NPEPL1: variants seen among roughly 807,000 people sequenced by gnomAD.
The protein encoded by NPEPL1 is probable aminopeptidase NPEPL1.
In NPEPL1, 45 loss-of-function variants were observed where a neutral mutation model predicts 52.4. The ratio of observed to expected loss-of-function variants is 0.86; its 90% CI spans 0.68 to 1.10. The LOEUF is 1.10. NPEPL1 is among the 50% of genes least tolerant of loss of function. The pLI is 0.00. For synonymous variants in NPEPL1, 360 were observed against 314.7 expected, an observed-to-expected ratio of 1.14 and a Z score of -1.52; for missense variants, 696 against 710.9, an observed-to-expected ratio of 0.98 and a Z score of 0.24.
chr20:58,707,504 C>T (rs1341614280), intron 7 of NPEPL1, among the ~76,000 whole-genome samples: 3 of 152,248 alleles, frequency 2.0e-5, no homozygotes, highest in African/African-American at 7.2e-5. Flanking sequence ...ACCCTCATGG[C>T]ATGTGGCAGG....
chr20:58,692,038 C>CT, upstream of NPEPL1: 5 of 590,464 alleles, frequency 8.5e-6, no homozygotes, highest in South Asian at 2.1e-5. The surrounding 1 kb of genome is among the most constrained non-coding windows in gnomAD (Gnocchi z 5.7). Context: ...TGACTCAGGT[C>CT]ACCCTGCTCC....
rs149906896 is a variant in NPEPL1 at position 58,714,491 on chromosome 20, C to T, written c.1303-69C>T. 1.9e-3 allele frequency: 2,171 copies of T among 1,136,622 alleles called. 47 individuals carry two copies. The Admixed American group carries it at 0.038, about 20-fold the overall frequency. The allele number at this position is 1,136,622 out of a possible 1,614,324, so 70.4% of individuals were successfully genotyped here. ...CCTTGCAGACAGCAATAGTGACAGGCGATGGGGCAGGGTGGAGAGGGCCCG... is the reference window on the plus strand; with the variant it reads ...CCTTGCAGACAGCAATAGTGACAGGTGATGGGGCAGGGTGGAGAGGGCCCG... On this transcript the variant is annotated intron_variant, in intron 10 of 11. Transcript: ENST00000356091.
chr20:58,694,066 A>G, intron 2 of NPEPL1, 144 bp downstream of exon 2: 1 of 859,628 alleles, frequency 1.2e-6, no homozygotes. Context: ...TAGACAGGGA[A>G]ACAGGTCCAG....
In NPEPL1 at chr20:58,693,771, A is replaced by C. The variant is rs748268954; in HGVS notation, c.185A>C (p.Asn62Thr). 1.2e-6 allele frequency: 2 copies of C among 1,611,732 alleles called. No homozygotes were observed. The highest frequency in any genetic ancestry group is 2.2e-5 in the East Asian group (1 of 44,780). ...WQAALSTLNP[N>T]PTDSCPLYLN... ...GCTGCCCTGAGCACGCTCAACCCCA[A>C]CCCCACGGACAGCTGTCCCCTCTAC... is the stretch of plus-strand genomic sequence containing the variant. The change falls in exon 2 of 12, where the codon AAC becomes ACC. Residue 62 changes from asparagine to threonine, a missense_variant. By Grantham distance (65) the Asn-to-Thr change is moderately conservative. Transcript: ENST00000356091.
At chr20:58,696,929 C>T (rs140983874) in intron 3 of NPEPL1, among the ~76,000 whole-genome samples, 3 of 152,362 alleles carry the variant, frequency 2.0e-5, no homozygotes, top group Non-Finnish European at 4.4e-5. Flanking sequence ...CCACTCAGCC[C>T]TCTTGGGTCC....
At chr20:58,695,145 T>C (rs1234433175) in intron 3 of NPEPL1, among the ~76,000 whole-genome samples, 2 of 101,342 alleles carry the variant, frequency 2.0e-5, no homozygotes, top group Non-Finnish European at 4.1e-5. Context: ...GGTGTGTGTG[T>C]GTGGTGTGCA....
intron 8 of NPEPL1, chr20:58,712,852 T>C (rs2084881159): frequency 1.2e-5 from 6 of 517,468 alleles, no homozygotes; most frequent in Non-Finnish European, 2.1e-5. Flanking sequence ...GGACAGGTCT[T>C]TCCAAAATTT....
Position 58,713,413 on chromosome 20 carries a change from G to GC in NPEPL1, c.1002-3dup. ...GTCCCTGAGCGGGGATCTCTACCAT[G>GC]CCCCAGGACGGTGGAAATCAACAAC... On this transcript the variant is annotated splice_region_variant and splice_polypyrimidine_tract_variant and intron_variant, in intron 8 of 11. Transcript: ENST00000356091. The surrounding 1 kb of genome is among the most constrained non-coding windows in gnomAD (Gnocchi z 4.6). 6.3e-7 allele frequency: 1 copy of GC among 1,595,642 alleles called. No homozygotes were observed. The highest frequency in any genetic ancestry group is 1.7e-5 in the Admixed American group (1 of 58,274).
At chr20:58,714,515 C>T (rs373418649) in intron 10 of NPEPL1, 45 bp from the exon 11 acceptor site, 17 of 1,425,740 alleles carry the variant, frequency 1.2e-5, no homozygotes, top group African/African-American at 4.3e-5. Flanking sequence ...GGAGAGGGCC[C>T]GGCCGGAGCA....
Position 58,697,283 on chromosome 20 carries a change from G to A in NPEPL1, c.508-1401G>A, listed in dbSNP as rs575197563. Among the ~76,000 whole-genome samples, 16 of 152,352 alleles carry A rather than the reference G, an allele frequency of 1.1e-4. No individual in the cohort carries two copies. The South Asian group carries it at 2.5e-3, about 24-fold the overall frequency. On this transcript the variant is annotated intron_variant, in intron 3 of 11. Coordinates refer to ENST00000356091, the MANE Select transcript of NPEPL1 (RefSeq NM_024663.4). ...CTCCCTCCCACAGGAGCGCTCTTGC[G>A]TCAGAGCCCCGAGCTCGCCGTGGTC...
At chr20:58,705,429 T>C (rs186837681) in intron 6 of NPEPL1, 369 of 455,782 alleles carry the variant, frequency 8.1e-4, no homozygotes, top group African/African-American at 6.9e-3. Flanking sequence ...GTTGAGAGTT[T>C]TAAAAATTAA....
intron 7 of NPEPL1, among the ~76,000 whole-genome samples, chr20:58,710,545 G>A (rs1408477570): frequency 3.3e-5 from 5 of 150,498 alleles, no homozygotes; most frequent in South Asian, 2.1e-4. Flanking sequence ...ACCCTTGGCC[G>A]CCCTGGGGGA....
At chr20:58,703,613 A>G in intron 6 of NPEPL1, 1 of 985,310 alleles carries the variant, frequency 1.0e-6, no homozygotes, top group Non-Finnish European at 1.2e-6. Flanking sequence ...CTTCCTGGGA[A>G]TTCATTCGTT....
intron 6 of NPEPL1, 30 bp from the exon 7 acceptor site, chr20:58,707,093 T>C: frequency 6.5e-7 from 1 of 1,549,114 alleles, no homozygotes; most frequent in Non-Finnish European, 8.7e-7. Context: ...ACAGCTCACC[T>C]TTGTCCTGGT....
Position 58,699,229 on chromosome 20 carries a change from C to T in NPEPL1, c.630C>T (p.Ile210=). The T allele has an allele frequency of 1.2e-6, 2 of 1,604,938 alleles. No homozygotes were observed. Among genetic ancestry groups the T allele is most frequent in the Non-Finnish European group, 1.7e-6 (2 of 1,175,748 alleles). Residue 210 remains isoleucine (I), a synonymous_variant, in exon 5 of 12, where the codon ATC becomes ATT. Transcript: ENST00000356091. ...ACAAAGTTGGAAAGGAGCTGGGGAT[C>T]ATCCCAACCATCATCCGGGATGAGG... The part of the protein sequence containing the change: ...EINKVGKELG[I]IPTIIRDEEL...
chr20:58,702,521 T>C lies in NPEPL1; in HGVS notation c.822+1363T>C, dbSNP rs567167048. Among the ~76,000 whole-genome samples the C allele has an allele frequency of 3.3e-5, 5 of 152,288 alleles. No homozygotes were observed. In the East Asian group the frequency reaches 9.6e-4, roughly 29 times the overall value. On this transcript the variant is annotated intron_variant, in intron 6 of 11. Transcript: ENST00000356091. ...ACTAAGCAGAAAATGACACTAATCATAAAAAGGGTTTTTTGTTTTTTTTTA... is the reference window on the plus strand; with the variant it reads ...ACTAAGCAGAAAATGACACTAATCACAAAAAGGGTTTTTTGTTTTTTTTTA...
chr20:58,714,417 C>A, intron 10 of NPEPL1, 143 bp from the exon 11 acceptor site: 1 of 643,976 alleles, frequency 1.6e-6, no homozygotes, highest in Non-Finnish European at 2.6e-6. Context: ...GCCCTCCCAG[C>A]CCAGCTTCTG....
intron 6 of NPEPL1, among the ~76,000 whole-genome samples, chr20:58,704,714 C>G (rs2084704121): frequency 6.6e-6 from 1 of 152,208 alleles, no homozygotes; most frequent in Admixed American, 6.5e-5. Flanking sequence ...TCAAGAAAAT[C>G]TGGCCTCACG....
In NPEPL1 at chr20:58,713,404, C is replaced by G. The variant is rs780267898; in HGVS notation, c.1002-16C>G. 32 of 1,587,520 alleles carry G rather than the reference C, an allele frequency of 2.0e-5. No individual in the cohort carries two copies. The highest frequency in any genetic ancestry group is 3.5e-5 in the Admixed American group (2 of 57,382). ...GGAAATCCCGTCCCTGAGCGGGGAT[C>G]TCTACCATGCCCCAGGACGGTGGAA... On this transcript the variant is annotated splice_polypyrimidine_tract_variant and intron_variant, in intron 8 of 11. Transcript: ENST00000356091. This position sits in a 1 kb window ranked among gnomAD's most constrained non-coding sequence, Gnocchi z 4.6.
Sources: allele counts gnomAD v4.1 joint callset (sites outside exome capture counted in the v4.1 genomes callset), GRCh38; gene constraint gnomAD v4.1.1; non-coding constraint Gnocchi (gnomAD v3.1); transcripts MANE v1.5; gene names NCBI Gene and HGNC (gene_info 2026-07-23, HGNC 2026-07-21).